The following ANGPT2 variants were observed in gnomAD, a reference collection of about 807,000 sequenced individuals.
The protein encoded by ANGPT2 is angiopoietin 2.
ANGPT2 carries 28 observed loss-of-function variants against 62.9 expected under a neutral mutation model. The observed-to-expected ratio is 0.44, with a 90% confidence interval of 0.33 to 0.61. ANGPT2 has a LOEUF of 0.61. Among genes scored for constraint, ANGPT2 ranks in the 20% least tolerant of loss-of-function variants. The pLI, the probability that ANGPT2 is intolerant of heterozygous loss-of-function variation, is 0.03. For missense variants in ANGPT2, 727 were observed against 594.9 expected (o/e 1.22, Z -2.31); for synonymous variants, 284 against 207.8 (o/e 1.37, Z -3.15).
At chr8:6,516,902 C>T (rs766528879) in intron 5 of ANGPT2, among the ~76,000 whole-genome samples, 1 of 152,166 alleles carries the variant, frequency 6.6e-6, no homozygotes, top group Non-Finnish European at 1.5e-5. Context: ...CTGAGAGTCA[C>T]TGCCAGCACA....
At chr8:6,515,714 T>A (rs1362936114) in intron 5 of ANGPT2, among the ~76,000 whole-genome samples, 1 of 152,246 alleles carries the variant, frequency 6.6e-6, no homozygotes, top group Non-Finnish European at 1.5e-5. Context: ...TTCTGCCACA[T>A]ACAAGGTAGG....
Position 6,500,259 on chromosome 8 carries a change from G to A in ANGPT2, c.*2842C>T. On this transcript the variant is annotated 3_prime_UTR_variant, in exon 9 of 9. Coordinates refer to ENST00000629816, the MANE Select transcript of ANGPT2 (RefSeq NM_001118887.2). ...TTGCTTAATGTTTTTACTGTTAATA[G>A]AAATAGAACTGATAGGTATAAAGAT... The A allele has an allele frequency of 3.1e-6, 1 of 325,272 alleles. No homozygotes were observed. Among genetic ancestry groups the A allele is most frequent in the South Asian group, 3.0e-5 (1 of 33,516 alleles). The allele number at this position is 325,272 out of a possible 1,614,324, so 20.1% of individuals were successfully genotyped here.
At position 6,513,833 on chromosome 8, in the gene ANGPT2, G is replaced by A. The variant is rs1030887573; in HGVS notation, c.1041C>T (p.Asn347=). 1.9e-6 allele frequency: 3 copies of A among 1,605,692 alleles called. No individual in the cohort carries two copies. The South Asian group carries it at 3.4e-5, about 18-fold the overall frequency. Residue 347 remains asparagine (N), a synonymous_variant, in exon 7 of 9, where the codon AAC becomes AAT. Transcript: ENST00000629816. ...TTCCCAGCCAATATTCTCCTGAAGG[G>A]TTACCAAATCCCTGTAATGCAAGTT... ...TWKEYKVGFG[N]PSGEYWLGNE...
chr8:6,509,060 A>C lies in ANGPT2; in HGVS notation c.1199T>G (p.Ile400Ser). ...TGTCCCTGTAAGTCCTTTAAGGTGA[A>C]TCCTGTAAGCGTGCAAAGAAAAAAA... is the stretch of plus-strand genomic sequence containing the variant. ...YLSSEELNYR[I>S]HLKGLTGTAG... Residue 400 changes from isoleucine (I) to serine (S), a missense_variant and splice_region_variant, in exon 8 of 9, where the codon ATT becomes AGT. Coordinates refer to ENST00000629816, the MANE Select transcript of ANGPT2 (RefSeq NM_001118887.2). The C allele has an allele frequency of 6.2e-7, 1 of 1,613,710 alleles. No homozygotes were observed. Among genetic ancestry groups the C allele is most frequent in the Non-Finnish European group, 8.5e-7 (1 of 1,179,816 alleles).
rs1190395633 is a variant in ANGPT2, at chr8:6,518,718, G to A, written c.927+1146C>T. Among the ~76,000 whole-genome samples, 4 of 152,112 alleles carry A rather than the reference G, an allele frequency of 2.6e-5. No individual in the cohort carries two copies. In the East Asian group the frequency reaches 7.7e-4, roughly 29 times the overall value. The stretch of plus-strand genomic sequence containing the variant: ...TTTCCACTTTGGTACAGTATCCACT[G>A]TATTCTCTGTAGTTATTTGTGTTGG... On this transcript the variant is annotated intron_variant, in intron 5 of 8. Coordinates refer to ENST00000629816, the MANE Select transcript of ANGPT2 (RefSeq NM_001118887.2).
At chr8:6,530,867 G>T (rs1376954785) in intron 2 of ANGPT2, among the ~76,000 whole-genome samples, 1 of 152,176 alleles carries the variant, frequency 6.6e-6, no homozygotes, top group Non-Finnish European at 1.5e-5. Context: ...TGAGTCTTAC[G>T]AGAGTGGCAG....
At chr8:6,515,127 G>T (rs1290905273) in intron 5 of ANGPT2, among the ~76,000 whole-genome samples, 1 of 152,088 alleles carries the variant, frequency 6.6e-6, no homozygotes, top group Non-Finnish European at 1.5e-5. Flanking sequence ...CATTTTGGCA[G>T]ATTGGCCCCG....
chr8:6,545,633 T>A (rs1283347494), intron 1 of ANGPT2, among the ~76,000 whole-genome samples: 1 of 152,222 alleles, frequency 6.6e-6, no homozygotes, highest in African/African-American at 2.4e-5. Flanking sequence ...GGATCAAGCA[T>A]AAAAGGCATT....
intron 5 of ANGPT2, among the ~76,000 whole-genome samples, chr8:6,517,228 A>G (rs1323851286): frequency 6.6e-6 from 1 of 152,210 alleles, no homozygotes; most frequent in Non-Finnish European, 1.5e-5. Context: ...GGCAGTTAAT[A>G]TCTTTAATCT....
chr8:6,536,173 C>T (rs1055921234), intron 1 of ANGPT2, among the ~76,000 whole-genome samples: 2 of 152,060 alleles, frequency 1.3e-5, no homozygotes, highest in Non-Finnish European at 2.9e-5. Context: ...TCTTTAAAAA[C>T]AAGGAAGAAT....
At chr8:6,545,123 G>C (rs1822335003) in intron 1 of ANGPT2, among the ~76,000 whole-genome samples, 1 of 152,030 alleles carries the variant, frequency 6.6e-6, no homozygotes, top group Admixed American at 6.6e-5. Flanking sequence ...TGAAGCTCAA[G>C]AATGGACCGA....
At chr8:6,541,896 T>C (rs1298494139) in intron 1 of ANGPT2, among the ~76,000 whole-genome samples, 1 of 151,486 alleles carries the variant, frequency 6.6e-6, no homozygotes. Flanking sequence ...TGGTCCTAGC[T>C]ACTCAGGAGG....
intron 2 of ANGPT2, among the ~76,000 whole-genome samples, chr8:6,531,455 A>AT (rs1034028069): frequency 2.6e-5 from 4 of 151,524 alleles, no homozygotes; most frequent in Admixed American, 2.0e-4. Flanking sequence ...CACCTGGCTA[A>AT]TTTGTTTGTA....
intron 1 of ANGPT2, among the ~76,000 whole-genome samples, chr8:6,554,417 T>A (rs929756931): frequency 6.6e-6 from 1 of 152,146 alleles, no homozygotes; most frequent in African/African-American, 2.4e-5. Flanking sequence ...CAGGAAATGA[T>A]TGCTTCTCTA....
At chr8:6,508,881 A>G (rs373034330) in intron 8 of ANGPT2, 51 bp downstream of exon 8, 29 of 1,612,976 alleles carry the variant, frequency 1.8e-5, no homozygotes, top group African/African-American at 8.0e-5. Flanking sequence ...CTTTCCCTCT[A>G]TGAAATCATT....
At chr8:6,544,165 G>C (rs932764409) in intron 1 of ANGPT2, among the ~76,000 whole-genome samples, 1 of 152,208 alleles carries the variant, frequency 6.6e-6, no homozygotes, top group Non-Finnish European at 1.5e-5. Flanking sequence ...GGTAGGAAGT[G>C]TAACAAGTAC....
chr8:6,519,218 G>A (rs752287461), intron 5 of ANGPT2, among the ~76,000 whole-genome samples: 10 of 152,104 alleles, frequency 6.6e-5, no homozygotes, highest in South Asian at 4.1e-4. Context: ...AGAATCCTGC[G>A]TGTCCCTCAG....
At chr8:6,520,547 C>G (rs981448951) in intron 4 of ANGPT2, among the ~76,000 whole-genome samples, 3 of 152,212 alleles carry the variant, frequency 2.0e-5, no homozygotes, top group African/African-American at 7.2e-5. Flanking sequence ...AGGTGCCCAC[C>G]ACCAAGCCCA....
chr8:6,500,136 G>A lies in ANGPT2; in HGVS notation c.*2965C>T. 5.3e-6 allele frequency: 3 copies of A among 566,384 alleles called. No individual in the cohort carries two copies. Among genetic ancestry groups the A allele is most frequent in the South Asian group, 2.0e-5 (1 of 49,504 alleles). The allele number at this position is 566,384 out of a possible 1,614,324, so 35.1% of individuals were successfully genotyped here. On this transcript the variant is annotated 3_prime_UTR_variant, in exon 9 of 9. Transcript: ENST00000629816. ...GAGACCATTGTGCAAAAAGTAGTGA[G>A]GAATGCAGTCCAAAGAAAATTTGAC...
Sources: gnomAD v4.1 joint callset for allele counts (sites outside exome capture counted in the v4.1 genomes callset) on GRCh38, gnomAD v4.1.1 for gene constraint, MANE v1.5 for transcripts, NCBI Gene and HGNC (gene_info 2026-07-23, HGNC 2026-07-21) for gene names.